The following NIPBL variants were observed in gnomAD, a reference collection of about 807,000 sequenced individuals.
The protein encoded by NIPBL is NIPBL cohesin loading factor.
A neutral mutation model predicts 321.8 loss-of-function variants in NIPBL; 19 were observed. The observed-to-expected ratio is 0.06, with a 90% confidence interval of 0.04 to 0.09. NIPBL has a LOEUF of 0.09. Among genes scored for constraint, NIPBL ranks in the 10% least tolerant of loss-of-function variants. NIPBL has a pLI of 1.00. For synonymous variants in NIPBL, 1,106 were observed against 1,114.1 expected, an observed-to-expected ratio of 0.99 and a Z score of 0.14; for missense variants, 2,210 against 3,327.0, an observed-to-expected ratio of 0.66 and a Z score of 8.26.
intron 1 of NIPBL, among the ~76,000 whole-genome samples, chr5:36,900,549 A>G (rs1358721556): frequency 6.6e-6 from 1 of 152,136 alleles, no homozygotes; most frequent in East Asian, 1.9e-4. Flanking sequence ...ATTACAATGA[A>G]TGTATGCTCT....
chr5:36,952,649 AAGAG>A (rs901983080), intron 1 of NIPBL, among the ~76,000 whole-genome samples: 8 of 152,174 alleles, frequency 5.3e-5, no homozygotes, highest in African/African-American at 1.2e-4. Context: ...TCTGTGTGTG[AAGAG>A]AGAGAGAATT....
intron 29 of NIPBL, among the ~76,000 whole-genome samples, chr5:37,023,534 TCA>T (rs1195248203): frequency 6.6e-6 from 1 of 152,096 alleles, no homozygotes; most frequent in African/African-American, 2.4e-5. Flanking sequence ...TGTGAACACT[TCA>T]GTTTGTAACA....
intron 1 of NIPBL, among the ~76,000 whole-genome samples, chr5:36,945,039 G>C (rs566353277): frequency 6.6e-6 from 1 of 152,198 alleles, no homozygotes; most frequent in African/African-American, 2.4e-5. Flanking sequence ...TAAGGGACTT[G>C]GAGACAGGCT....
intron 45 of NIPBL, 104 bp from the exon 46 acceptor site, chr5:37,063,686 T>G: frequency 9.0e-7 from 1 of 1,114,084 alleles, no homozygotes; most frequent in African/African-American, 1.6e-5. Context: ...GGCTAACGTC[T>G]GTTTCACCCA....
chr5:37,001,109 A>C, intron 14 of NIPBL, 31 bp downstream of exon 14: 1 of 1,388,236 alleles, frequency 7.2e-7, no homozygotes, highest in Non-Finnish European at 1.0e-6. Flanking sequence ...ATTTACACAT[A>C]CTCTAAGTGT....
intron 10 of NIPBL, among the ~76,000 whole-genome samples, chr5:36,988,768 TGAA>T (rs1745133615): frequency 2.0e-5 from 3 of 152,240 alleles, no homozygotes; most frequent in South Asian, 4.1e-4. Flanking sequence ...GGGCCAAAAT[TGAA>T]GAGCCATAAA....
intron 1 of NIPBL, among the ~76,000 whole-genome samples, chr5:36,912,002 A>T (rs181230599): frequency 1.8e-4 from 27 of 152,286 alleles, no homozygotes; most frequent in African/African-American, 6.0e-4. Context: ...CATTTGATCA[A>T]ATTCGTGTTT....
At chr5:36,932,478 C>T (rs890463656) in intron 1 of NIPBL, among the ~76,000 whole-genome samples, 2 of 152,132 alleles carry the variant, frequency 1.3e-5, no homozygotes, top group African/African-American at 4.8e-5. Flanking sequence ...AAGTCTGTTT[C>T]ATCTGCTGTT....
In NIPBL at chr5:37,016,902, A is replaced by G. The variant is rs1378250679; in HGVS notation, c.4777-117A>G. 1.4e-5 allele frequency: 9 copies of G among 650,254 alleles called. No individual in the cohort carries two copies. In the East Asian group the frequency reaches 1.4e-4, roughly 10 times the overall value. The allele number at this position is 650,254 out of a possible 1,614,324, so 40.3% of individuals were successfully genotyped here. ...TGACTTTATGGGACAATATCACAGG[A>G]AAAAAAAAAGTTTAAATTTTAAATT... On this transcript the variant is annotated intron_variant, in intron 23 of 46. Transcript: ENST00000282516.
rs147668528 is a variant in NIPBL at position 37,045,679 on chromosome 5, A to T, written c.6498+82A>T. 144 of 1,406,000 alleles carry T rather than the reference A, an allele frequency of 1.0e-4. No homozygotes were observed. The African/African-American group carries it at 1.7e-3, about 17-fold the overall frequency. The allele number at this position is 1,406,000 out of a possible 1,614,324, so 87.1% of individuals were successfully genotyped here. A position where few individuals can be genotyped will look rare whatever the true frequency, so the allele number is the denominator to read the frequency against. On this transcript the variant is annotated intron_variant, in intron 37 of 46. Transcript: ENST00000282516. ...CTGAGAATGACAGTAGTGACCCAGGATGAAGGCAACATTAGAGTAGTCTGG... is the reference window on the plus strand; with the variant it reads ...CTGAGAATGACAGTAGTGACCCAGGTTGAAGGCAACATTAGAGTAGTCTGG...
intron 9 of NIPBL, among the ~76,000 whole-genome samples, chr5:36,983,954 A>G (rs1465246386): frequency 6.6e-6 from 1 of 151,972 alleles, no homozygotes; most frequent in Non-Finnish European, 1.5e-5. Flanking sequence ...ATTCTAATTT[A>G]TACCTATTGC....
intron 1 of NIPBL, among the ~76,000 whole-genome samples, chr5:36,878,517 T>C (rs569319136): frequency 4.6e-5 from 7 of 152,346 alleles, no homozygotes; most frequent in African/African-American, 1.7e-4. Context: ...TCATATTCGC[T>C]GAAGGAAAAC....
At chr5:37,062,682 G>T (rs1754863796) in intron 45 of NIPBL, among the ~76,000 whole-genome samples, 1 of 152,190 alleles carries the variant, frequency 6.6e-6, no homozygotes, top group Non-Finnish European at 1.5e-5. Context: ...CACCTTGGGA[G>T]GCCTATGTAG....
rs775399549 is a variant in NIPBL, at chr5:37,020,790, T to G, written c.5241T>G (p.Thr1747=). 4.3e-5 allele frequency: 69 copies of G among 1,614,090 alleles called. 1 individual carries two copies. The South Asian group carries it at 7.2e-4, about 17-fold the overall frequency. Residue 1747 remains threonine (T), a synonymous_variant, in exon 27 of 47, where the codon ACT becomes ACG. Transcript: ENST00000282516. ...TTTGTTGCAGGATGAACTCTGATAC[T>G]GTGGACTATGATGATGCTTGCTTGA... ...QFSTLKMNSD[T]VDYDDACLIV...
intron 1 of NIPBL, among the ~76,000 whole-genome samples, chr5:36,904,712 TG>T (rs1395926116): frequency 1.3e-5 from 2 of 152,166 alleles, no homozygotes; most frequent in Non-Finnish European, 2.9e-5. Flanking sequence ...CTTAATCACT[TG>T]GCTCTTGGTG....
chr5:36,973,498 C>T (rs917645254), intron 8 of NIPBL, among the ~76,000 whole-genome samples: 1 of 152,002 alleles, frequency 6.6e-6, no homozygotes. Context: ...GACAGAGTCT[C>T]GCACTGTCAC....
At chr5:36,897,753 T>C (rs1746867244) in intron 1 of NIPBL, among the ~76,000 whole-genome samples, 1 of 152,044 alleles carries the variant, frequency 6.6e-6, no homozygotes, top group African/African-American at 2.4e-5. Flanking sequence ...GTTGCGGAAA[T>C]AAATAAATGC....
At position 36,952,039 on chromosome 5, in the gene NIPBL, TGTGTGTGTGTGTGTGCGC is replaced by T. The variant is rs1243821353; in HGVS notation, c.-79-1577_-79-1560del. Among the ~76,000 whole-genome samples the T allele has an allele frequency of 5.4e-5, 6 of 111,978 alleles. 1 individual carries two copies. In the East Asian group the frequency reaches 1.3e-3, roughly 24 times the overall value. 73.5% of individuals were successfully genotyped at this position (111,978 alleles called of 152,430 possible). On this transcript the variant is annotated intron_variant, in intron 1 of 46. Coordinates refer to ENST00000282516, the MANE Select transcript of NIPBL (RefSeq NM_133433.4). ...TAAACTGTGTGTGTGTGTGTGTGTG[TGTGTGTGTGTGTGTGCGC>T]GCGCGCGCGCGCGCGCATGTGTGTG...
rs367616618 is a variant in NIPBL at position 37,002,780 on chromosome 5, T to C, written c.3768+15T>C. ...TAATGGATAAGGTATCTCACCAAAG[T>C]AAAATTTATAAATTTACTTCATAGA... On this transcript the variant is annotated intron_variant, in intron 15 of 46. Transcript: ENST00000282516. 154 of 1,346,704 alleles carry C rather than the reference T, an allele frequency of 1.1e-4. No homozygotes were observed. The highest frequency in any genetic ancestry group is 1.6e-4 in the Non-Finnish European group (148 of 940,888). The allele number at this position is 1,346,704 out of a possible 1,614,324, so 83.4% of individuals were successfully genotyped here. A position where few individuals can be genotyped will look rare whatever the true frequency, so the allele number is the denominator to read the frequency against.
Sources: allele counts gnomAD v4.1 joint callset (sites outside exome capture counted in the v4.1 genomes callset), GRCh38; gene constraint gnomAD v4.1.1; transcripts MANE v1.5; gene names NCBI Gene and HGNC (gene_info 2026-07-23, HGNC 2026-07-21).